THOC1: variants seen among roughly 807,000 people sequenced by gnomAD.
THOC1 encodes the protein THO complex 1.
THOC1 carries 29 observed loss-of-function variants against 97.3 expected under a neutral mutation model. That is an observed-to-expected ratio of 0.30 (90% CI 0.22 to 0.41). The LOEUF is 0.41. Ranked by LOEUF, THOC1 falls within the 10% of genes least tolerant of loss-of-function variation. The pLI is 1.00. For synonymous variants in THOC1, 255 were observed against 257.0 expected, an observed-to-expected ratio of 0.99 and a Z score of 0.07; for missense variants, 529 against 761.9, an observed-to-expected ratio of 0.69 and a Z score of 3.60.
At chr18:241,486 C>T (rs967042298) in intron 11 of THOC1, among the ~76,000 whole-genome samples, 5 of 152,106 alleles carry the variant, frequency 3.3e-5, no homozygotes, top group African/African-American at 1.2e-4. Flanking sequence ...AATGAATGGC[C>T]TAATGACCAC....
chr18:243,127 G>A (rs1911963942), intron 11 of THOC1, among the ~76,000 whole-genome samples: 1 of 152,128 alleles, frequency 6.6e-6, no homozygotes, highest in South Asian at 2.1e-4. Flanking sequence ...ACAATTTTGT[G>A]CCTTTTTCTT....
intron 18 of THOC1, among the ~76,000 whole-genome samples, chr18:216,847 A>G (rs964915355): frequency 6.6e-6 from 1 of 152,126 alleles, no homozygotes; most frequent in African/African-American, 2.4e-5. Flanking sequence ...AGGAACCAAC[A>G]ATGCCTGAAG....
intron 17 of THOC1, among the ~76,000 whole-genome samples, chr18:220,612 T>C (rs1306174795): frequency 6.6e-6 from 1 of 152,196 alleles, no homozygotes; most frequent in Non-Finnish European, 1.5e-5. Flanking sequence ...TGGAAACTGC[T>C]TGCTGTAGTT....
rs770902466 is a variant in THOC1, at chr18:254,832, T to C, written c.521-477A>G. Among the ~76,000 whole-genome samples the C allele has an allele frequency of 6.6e-6, 1 of 151,778 alleles. No individual in the cohort carries two copies. The highest frequency in any genetic ancestry group is 1.5e-5 in the Non-Finnish European group (1 of 67,948). ...ACAGTAAACTATTTTTTTTTTTTTT[T>C]GAGACAGCGACTCACTCCTGTCACC... On this transcript the variant is annotated intron_variant, in intron 7 of 20. Transcript: ENST00000261600. This position sits in a 1 kb window ranked among gnomAD's most constrained non-coding sequence, Gnocchi z 4.1.
chr18:228,527 G>GA (rs372423094), intron 11 of THOC1, among the ~76,000 whole-genome samples: 86,323 of 150,562 alleles, frequency 0.57, 24,977 homozygotes, highest in South Asian at 0.72. Flanking sequence ...ATGTAAGGGG[G>GA]AAAAAAAAAC....
chr18:258,236 A>C (rs1274082757), intron 7 of THOC1, among the ~76,000 whole-genome samples: 2 of 152,142 alleles, frequency 1.3e-5, no homozygotes, highest in Non-Finnish European at 2.9e-5. Flanking sequence ...TCTAGTGCCA[A>C]TCTAGAATCT....
At position 260,205 on chromosome 18, in the gene THOC1, T is replaced by C; in HGVS notation, c.356A>G (p.Asn119Ser). The C allele has an allele frequency of 5.1e-6, 8 of 1,556,994 alleles. No individual in the cohort carries two copies. Among genetic ancestry groups the C allele is most frequent in the Non-Finnish European group, 6.9e-6 (8 of 1,153,628 alleles). Residue 119 changes from asparagine to serine, a missense_variant, in exon 5 of 21, where the codon AAT becomes AGT. Asn to Ser is a conservative substitution (Grantham distance 46, BLOSUM62 1). Transcript: ENST00000261600. ...CDTIFTFVEKNVATWKSNTFY... is the reference protein window; with the variant it reads ...CDTIFTFVEKSVATWKSNTFY... ...ACTTACTGATTTCCAAGTAGCAACA[T>C]TTTTTTCCACAAAAGTGAATATTGT...
chr18:230,554 A>G (rs1911449599), intron 11 of THOC1, among the ~76,000 whole-genome samples: 2 of 152,206 alleles, frequency 1.3e-5, no homozygotes, highest in African/African-American at 4.8e-5. Context: ...ACTTAAGGAA[A>G]CTAGGTCCAG....
rs116786122 is a variant in THOC1, at chr18:221,903, T to C, written c.1370+1537A>G. Among the ~76,000 whole-genome samples, 1,345 of 152,246 alleles carry C rather than the reference T, an allele frequency of 8.8e-3. 20 individuals carry two copies. Among genetic ancestry groups the C allele is most frequent in the African/African-American group, 0.029 (1,219 of 41,558 alleles). On this transcript the variant is annotated intron_variant, in intron 17 of 20. Coordinates refer to ENST00000261600, the MANE Select transcript of THOC1 (RefSeq NM_005131.3). ...GATTACAGGTATGAGCCACCGCGCC[T>C]GGCCGATAGATCTTTAAAATATAAC...
At chr18:256,514 C>G (rs1912440957) in intron 7 of THOC1, among the ~76,000 whole-genome samples, 1 of 152,176 alleles carries the variant, frequency 6.6e-6, no homozygotes, top group African/African-American at 2.4e-5. Context: ...GGAGTTGCTT[C>G]TTACGAATGA....
chr18:221,785 T>C (rs937961685), intron 17 of THOC1, among the ~76,000 whole-genome samples: 5 of 152,090 alleles, frequency 3.3e-5, no homozygotes, highest in Non-Finnish European at 5.9e-5. Context: ...ATTTTTTGTA[T>C]TTTTAGTAGA....
At chr18:225,278 C>T (rs769549688) in intron 13 of THOC1, 59 bp downstream of exon 13, 2 of 1,593,280 alleles carry the variant, frequency 1.3e-6, no homozygotes, top group Non-Finnish European at 1.7e-6. Flanking sequence ...GGGGCTGAAA[C>T]AAAGAAAATC....
At chr18:228,905 A>C (rs1191729385) in intron 11 of THOC1, among the ~76,000 whole-genome samples, 1 of 152,044 alleles carries the variant, frequency 6.6e-6, no homozygotes, top group Non-Finnish European at 1.5e-5. Context: ...TCTCTCTCCT[A>C]CTCTTCACAG....
intron 4 of THOC1, among the ~76,000 whole-genome samples, chr18:262,826 AAGG>A (rs752146601): frequency 1.3e-3 from 194 of 151,386 alleles, no homozygotes; most frequent in Non-Finnish European, 2.4e-3. Context: ...ACAGATTAAA[AAGG>A]AGTTTTCACA....
chr18:255,622 G>A lies in THOC1; in HGVS notation c.521-1267C>T, dbSNP rs78118502. Among the ~76,000 whole-genome samples, 4,361 of 152,276 alleles carry A rather than the reference G, an allele frequency of 0.029. 373 individuals are homozygous for A. The East Asian group carries it at 0.32, about 11-fold the overall frequency. ...GCAAGGTGAAGCAGCAACTACCAAT[G>A]GAGAAGTTGCAGTAAGTTATCAGAA... On this transcript the variant is annotated intron_variant, in intron 7 of 20. Transcript: ENST00000261600.
chr18:215,544 C>T lies in THOC1; in HGVS notation c.1603-40G>A. 4 of 1,523,388 alleles carry T rather than the reference C, an allele frequency of 2.6e-6. No homozygotes were observed. In the South Asian group the frequency reaches 3.4e-5, roughly 13 times the overall value. 94.4% of individuals were successfully genotyped at this position (1,523,388 alleles called of 1,614,324 possible). On this transcript the variant is annotated intron_variant, in intron 19 of 20. Transcript: ENST00000261600. The stretch of plus-strand genomic sequence containing the variant: ...GAAGAATGTTTGAAAGAATGCCAGC[C>T]TCTGAAGTAAGGTAACAGGTATTTT...
chr18:214,764 T>G lies in THOC1; in HGVS notation c.1836A>C (p.Arg612Ser), dbSNP rs1910805878. 5.6e-6 allele frequency: 9 copies of G among 1,613,970 alleles called. No homozygotes were observed. The highest frequency in any genetic ancestry group is 7.6e-6 in the Non-Finnish European group (9 of 1,179,864). ...IECDSEDMKMRAKQLLVAWQD... is the reference protein window; with the variant it reads ...IECDSEDMKMSAKQLLVAWQD... ...GCCAGGCAACCAGGAGCTGCTTAGC[T>G]CTCATCTTCATGTCTTCACTGTCAC... The change falls in exon 21 of 21, where the codon AGA becomes AGC. Residue 612 changes from arginine to serine, a missense_variant. Arg to Ser is a moderately radical substitution (Grantham distance 110, BLOSUM62 -1). This residue lies in a region of THOC1 where 98 missense variants were observed against 111.9 expected (regional missense o/e 0.88). Transcript: ENST00000261600.
intron 11 of THOC1, among the ~76,000 whole-genome samples, chr18:240,255 T>C (rs1911852035): frequency 6.6e-6 from 1 of 152,202 alleles, no homozygotes; most frequent in South Asian, 2.1e-4. Flanking sequence ...AGAGCCTACT[T>C]TGGCAGTACA....
chr18:215,256 T>G lies in THOC1; in HGVS notation c.1678+173A>C, dbSNP rs77008121. On this transcript the variant is annotated intron_variant, in intron 20 of 20. Transcript: ENST00000261600. ...CTTCCCAATTTTATTGCATAAAATG[T>G]AGTGTTTTTAAAGTTATTATTAAGC... Among the ~76,000 whole-genome samples, 1,121 of 152,308 alleles carry G rather than the reference T, an allele frequency of 7.4e-3. 5 individuals are homozygous for G. Among genetic ancestry groups the G allele is most frequent in the Non-Finnish European group, 0.011 (715 of 68,028 alleles).
Sources: gnomAD v4.1 joint callset for allele counts (sites outside exome capture counted in the v4.1 genomes callset) on GRCh38, gnomAD v4.1.1 for gene constraint, gnomAD v4.1.1 regional missense constraint, Gnocchi (gnomAD v3.1) non-coding constraint, MANE v1.5 for transcripts, NCBI Gene and HGNC (gene_info 2026-07-23, HGNC 2026-07-21) for gene names.